The following AKAP11 variants were observed in gnomAD, a reference collection of about 807,000 sequenced individuals.
AKAP11 encodes A-kinase anchor protein 11.
A neutral mutation model predicts 146.1 loss-of-function variants in AKAP11; 36 were observed. That is an observed-to-expected ratio of 0.25 (90% confidence interval 0.19 to 0.33). AKAP11 has a LOEUF of 0.33. Among genes scored for constraint, AKAP11 ranks in the 10% least tolerant of loss-of-function variants. The probability of loss-of-function intolerance (pLI) is 1.00; values close to 1 mark genes in which losing one functional copy is unlikely to be tolerated. For missense variants in AKAP11, 2,201 were observed against 2,197.0 expected (o/e 1.00, Z -0.04); for synonymous variants, 780 against 786.5 (o/e 0.99, Z 0.14).
At chr13:42,292,656 A>G (rs554689536) in intron 4 of AKAP11, among the ~76,000 whole-genome samples, 155 bp downstream of exon 4, 235 of 150,980 alleles carry the variant, frequency 1.6e-3, no homozygotes, top group African/African-American at 5.4e-3. Flanking sequence ...GGAGAGGGGA[A>G]AAAAAAGAAG....
rs1959923310 is a variant in AKAP11, at chr13:42,301,738, T to G, written c.2992T>G (p.Cys998Gly). 3.7e-6 allele frequency: 6 copies of G among 1,614,030 alleles called. No individual in the cohort carries two copies. The highest frequency in any genetic ancestry group is 5.1e-6 in the Non-Finnish European group (6 of 1,179,990). The change falls in exon 8 of 13, where the codon TGC becomes GGC. Residue 998 changes from cysteine (C) to glycine (G), a missense_variant. Cys to Gly is a radical substitution (Grantham distance 159, BLOSUM62 -3). Around this residue, in one of 3 missense-constraint regions of AKAP11, gnomAD observed 1,867 missense variants for 1,833.5 expected, o/e 1.02. Coordinates refer to ENST00000025301, the MANE Select transcript of AKAP11 (RefSeq NM_016248.4). ...FPDSQNQLTH[C>G]SLSAAKDCVP... ...TGACTCTCAGAATCAGTTAACTCAC[T>G]GCTCACTTTCAGCTGCAAAGGATTG...
rs868787925 is a variant in AKAP11 at position 42,301,975 on chromosome 13, C to T, written c.3229C>T (p.Leu1077Phe). Residue 1077 changes from leucine (L) to phenylalanine (F), a missense_variant, in exon 8 of 13, where the codon CTT becomes TTT. By Grantham distance (22) the Leu-to-Phe change is conservative (BLOSUM62 0). Coordinates refer to ENST00000025301, the MANE Select transcript of AKAP11 (RefSeq NM_016248.4). ...TTCACATACTTTCTCATCTACAGCA[C>T]TTACCTGTGTAGATGGTTTGCATGT... ...PHSHTFSSTALTCVDGLHVED... is the reference protein window; with the variant it reads ...PHSHTFSSTAFTCVDGLHVED... The T allele has an allele frequency of 2.4e-5, 38 of 1,613,992 alleles. No homozygotes were observed. Among genetic ancestry groups the T allele is most frequent in the Middle Eastern group, 1.6e-4 (1 of 6,084 alleles).
intron 11 of AKAP11, among the ~76,000 whole-genome samples, chr13:42,314,205 G>A (rs1371774996): frequency 1.3e-5 from 2 of 152,210 alleles, no homozygotes; most frequent in African/African-American, 4.8e-5. Context: ...AGCATTTTGG[G>A]TGGCTGAGGT....
At chr13:42,316,784 G>A (rs1265596995) in intron 11 of AKAP11, among the ~76,000 whole-genome samples, 1 of 152,260 alleles carries the variant, frequency 6.6e-6, no homozygotes, top group Non-Finnish European at 1.5e-5. Context: ...AGGATTAAAG[G>A]AGTTTGTACA....
At position 42,299,615 on chromosome 13, in the gene AKAP11, A is replaced by G; in HGVS notation, c.869A>G (p.Lys290Arg). 2 of 1,613,992 alleles carry G rather than the reference A, an allele frequency of 1.2e-6. No homozygotes were observed. Among genetic ancestry groups the G allele is most frequent in the Non-Finnish European group, 1.7e-6 (2 of 1,179,900 alleles). ...SFYRSSNASDKDSDLQKTFFS... is the reference protein window; with the variant it reads ...SFYRSSNASDRDSDLQKTFFS... ...TATAGGTCATCTAATGCTTCAGATA[A>G]AGATAGTGATTTACAGAAAACATTT... is the stretch of plus-strand genomic sequence containing the variant. The change falls in exon 8 of 13, where the codon AAA becomes AGA. Residue 290 changes from lysine to arginine, a missense_variant. By Grantham distance (26) the Lys-to-Arg change is conservative. Around this residue, in one of 3 missense-constraint regions of AKAP11, gnomAD observed 331 missense variants for 347.4 expected, o/e 0.95. Coordinates refer to ENST00000025301, the MANE Select transcript of AKAP11 (RefSeq NM_016248.4).
Position 42,303,068 on chromosome 13 carries a change from A to G in AKAP11, c.4322A>G (p.Glu1441Gly), listed in dbSNP as rs1174881011. 1 of 1,613,092 alleles carries G rather than the reference A, an allele frequency of 6.2e-7. No homozygotes were observed. ...EGYFCKNQTC[E>G]RTLDPYRNEV... ...TACTTTTGTAAAAATCAAACTTGTGAAAGGACCCTGGATCCATATAGAAAT... is the reference window on the plus strand; with the variant it reads ...TACTTTTGTAAAAATCAAACTTGTGGAAGGACCCTGGATCCATATAGAAAT... Residue 1441 changes from glutamate to glycine, a missense_variant, in exon 8 of 13, where the codon GAA becomes GGA. Glu to Gly is a moderately conservative substitution (Grantham distance 98, BLOSUM62 -2). Transcript: ENST00000025301.
At position 42,313,101 on chromosome 13, in the gene AKAP11, G is replaced by A. The variant is rs745664091; in HGVS notation, c.5328G>A (p.Glu1776=). 3.7e-6 allele frequency: 6 copies of A among 1,613,218 alleles called. No individual in the cohort carries two copies. The South Asian group carries it at 6.6e-5, about 18-fold the overall frequency. The change falls in exon 10 of 13, where the codon GAG becomes GAA. Residue 1776 remains glutamate (E), a synonymous_variant. Transcript: ENST00000025301. ...SSLGLEGDLY[E]DNLSFPTSDS... is the part of the protein sequence containing the mutation. Reference sequence around the variant, plus strand: ...TTGGTTTAGAAGGAGATTTGTATGAGGACAATTTATCCTTTCCAACATCAG... The same window carrying A: ...TTGGTTTAGAAGGAGATTTGTATGAAGACAATTTATCCTTTCCAACATCAG...
intron 1 of AKAP11, among the ~76,000 whole-genome samples, chr13:42,279,964 T>A (rs964538391): frequency 5.3e-5 from 8 of 152,234 alleles, no homozygotes; most frequent in Non-Finnish European, 7.3e-5. Context: ...GGCTGCTACT[T>A]CTTCTGAGGA....
rs747097216 is a variant in AKAP11, at chr13:42,313,931, G to A, written c.5395G>A (p.Glu1799Lys). ...TGATAAAGATGAAGAGCATGAGGAC[G>A]AAGTAGAAGGTAATTTGATTTGTTT... is the stretch of plus-strand genomic sequence containing the variant. ...PDDKDEEHED[E>K]VEGLGQDGKT... The change falls in exon 11 of 13, where the codon GAA (glutamate) becomes AAA (lysine). Residue 1799 changes from glutamate to lysine, a missense_variant. This residue lies in a region of AKAP11 where 1,867 missense variants were observed against 1,833.5 expected (regional missense o/e 1.02). Coordinates refer to ENST00000025301, the MANE Select transcript of AKAP11 (RefSeq NM_016248.4). 52 of 1,613,434 alleles carry A rather than the reference G, an allele frequency of 3.2e-5. No homozygotes were observed. In the Admixed American group the frequency reaches 4.7e-4, roughly 14 times the overall value.
chr13:42,309,623 T>C (rs1345825484), intron 9 of AKAP11, among the ~76,000 whole-genome samples: 1 of 152,256 alleles, frequency 6.6e-6, no homozygotes, highest in Non-Finnish European at 1.5e-5. Context: ...TAGTTTATTA[T>C]GGTGCTATAT....
Position 42,317,919 on chromosome 13 carries a change from C to T in AKAP11, c.5565+231C>T, listed in dbSNP as rs183944705. Among the ~76,000 whole-genome samples the T allele has an allele frequency of 1.5e-3, 232 of 152,222 alleles. 1 individual carries two copies. Among genetic ancestry groups the T allele is most frequent in the African/African-American group, 4.7e-3 (197 of 41,526 alleles). On this transcript the variant is annotated intron_variant, in intron 12 of 12. Coordinates refer to ENST00000025301, the MANE Select transcript of AKAP11 (RefSeq NM_016248.4). ...CTATGCAAATGAATATAGAATCTAC[C>T]TTACAGGGGTTTATGAGGATTAAAT...
chr13:42,283,308 T>G (rs1278107453), intron 1 of AKAP11, among the ~76,000 whole-genome samples: 5 of 152,242 alleles, frequency 3.3e-5, no homozygotes, highest in Admixed American at 6.5e-5. Flanking sequence ...TTAAACTGTT[T>G]CTCTTTCATT....
intron 1 of AKAP11, among the ~76,000 whole-genome samples, chr13:42,282,488 A>G (rs962276873): frequency 6.6e-5 from 10 of 152,044 alleles, no homozygotes; most frequent in Non-Finnish European, 1.3e-4. Flanking sequence ...TTGTGCAAGT[A>G]TATATGTAGG....
chr13:42,310,698 A>C (rs1014469138), intron 9 of AKAP11, among the ~76,000 whole-genome samples: 2 of 152,128 alleles, frequency 1.3e-5, no homozygotes, highest in African/African-American at 4.8e-5. Context: ...GTCTCTACCA[A>C]AAATACAAAA....
In AKAP11 at chr13:42,303,129, G is replaced by T. The variant is rs9315906; in HGVS notation, c.4383G>T (p.Leu1461=). ...VSQLYSFSTS[L]VHSITKDAKE... ...AACTGTATAGTTTTTCAACCTCTCT[G>T]GTTCACAGCATAACAAAAGATGCTA... The change falls in exon 8 of 13, where the codon CTG becomes CTT. Residue 1461 remains leucine (L), a synonymous_variant. Transcript: ENST00000025301. 8.1e-6 allele frequency: 13 copies of T among 1,613,980 alleles called. No homozygotes were observed. In the South Asian group the frequency reaches 1.4e-4, roughly 18 times the overall value.
In AKAP11 at chr13:42,301,166, CTGA is replaced by C. The variant is rs754846193; in HGVS notation, c.2425_2427del (p.Asp809del). On this transcript the variant is annotated inframe_deletion, in exon 8 of 13. Coordinates refer to ENST00000025301, the MANE Select transcript of AKAP11 (RefSeq NM_016248.4). The stretch of plus-strand genomic sequence containing the variant: ...TGTCAGGCCAAGGCTCATCTGTCAT[CTGA>C]TGATAGTAATTCAAATGGTGATTCT... The C allele has an allele frequency of 6.2e-7, 1 of 1,614,092 alleles. No homozygotes were observed. Among genetic ancestry groups the C allele is most frequent in the Non-Finnish European group, 8.5e-7 (1 of 1,179,968 alleles).
intron 1 of AKAP11, among the ~76,000 whole-genome samples, chr13:42,274,337 G>A (rs1958859142): frequency 6.6e-6 from 1 of 152,114 alleles, no homozygotes; most frequent in Non-Finnish European, 1.5e-5. Flanking sequence ...AGCCTGGAAA[G>A]ATCCAAGTGT....
In AKAP11 at chr13:42,300,116, C is replaced by T; in HGVS notation, c.1370C>T (p.Pro457Leu). 1 of 1,613,870 alleles carries T rather than the reference C, an allele frequency of 6.2e-7. No homozygotes were observed. The highest frequency in any genetic ancestry group is 8.5e-7 in the Non-Finnish European group (1 of 1,179,834). ...FSPIRSSAFS[P>L]LGGCTPAECF... ...CCTATTCGATCCTCTGCTTTTAGTC[C>T]TCTTGGAGGCTGTACTCCAGCTGAA... Residue 457 changes from proline to leucine, a missense_variant, in exon 8 of 13, where the codon CCT (proline) becomes CTT (leucine). By Grantham distance (98) the Pro-to-Leu change is moderately conservative. Transcript: ENST00000025301.
At chr13:42,290,023 C>A (rs1437787400) in intron 3 of AKAP11, among the ~76,000 whole-genome samples, 2 of 152,126 alleles carry the variant, frequency 1.3e-5, no homozygotes, top group East Asian at 3.9e-4. Flanking sequence ...ATCTAGCATG[C>A]ATTCCAAACA....
Sources: allele counts gnomAD v4.1 joint callset (sites outside exome capture counted in the v4.1 genomes callset), GRCh38; gene constraint gnomAD v4.1.1; regional missense constraint gnomAD v4.1.1; transcripts MANE v1.5; gene names NCBI Gene and HGNC (gene_info 2026-07-23, HGNC 2026-07-21).